Variants in THSD4 observed in about 807,000 individuals in gnomAD.
THSD4 encodes thrombospondin type-1 domain-containing protein 4.
A neutral mutation model predicts 119.0 loss-of-function variants in THSD4; 69 were observed. The ratio of observed to expected loss-of-function variants is 0.58; its 90% CI spans 0.48 to 0.71. THSD4 has a LOEUF of 0.71. Among genes scored for constraint, THSD4 ranks in the 30% least tolerant of loss-of-function variants. THSD4 has a pLI of 0.00. For missense variants in THSD4, 1,393 were observed against 1,391.1 expected (o/e 1.00, Z -0.02); for synonymous variants, 524 against 540.4 (o/e 0.97, Z 0.42).
rs1383696152 is a variant in THSD4, at chr15:71,376,992, G to C, written c.1016-34695G>C. Among the ~76,000 whole-genome samples the C allele has an allele frequency of 2.0e-5, 3 of 152,248 alleles. No individual in the cohort carries two copies. The East Asian group carries it at 5.8e-4, about 29-fold the overall frequency. Reference sequence around the variant, plus strand: ...ATACTCACCTAGCAGGTGTGTGCAGGGTGATGTGCAGGGAGGGACCAAAAG... The same window carrying C: ...ATACTCACCTAGCAGGTGTGTGCAGCGTGATGTGCAGGGAGGGACCAAAAG... On this transcript the variant is annotated intron_variant, in intron 6 of 17. Transcript: ENST00000261862.
intron 7 of THSD4, among the ~76,000 whole-genome samples, chr15:71,614,857 G>A (rs548887496): frequency 6.6e-6 from 1 of 152,328 alleles, no homozygotes; most frequent in African/African-American, 2.4e-5. Context: ...ACCTGAAAGG[G>A]AAAGAAGCAT....
intron 6 of THSD4, among the ~76,000 whole-genome samples, chr15:71,386,092 G>A (rs1030796311): frequency 1.3e-5 from 2 of 152,198 alleles, no homozygotes; most frequent in Non-Finnish European, 2.9e-5. Flanking sequence ...ACTGTTTACT[G>A]AGTAGGTGCT....
chr15:71,350,270 A>G (rs1806503581), intron 6 of THSD4, among the ~76,000 whole-genome samples: 1 of 152,192 alleles, frequency 6.6e-6, no homozygotes, highest in African/African-American at 2.4e-5. Flanking sequence ...AAATATCTCA[A>G]AGTTATGCTT....
At chr15:71,467,397 T>G (rs2047515527) in intron 7 of THSD4, among the ~76,000 whole-genome samples, 1 of 152,218 alleles carries the variant, frequency 6.6e-6, no homozygotes, top group South Asian at 2.1e-4. Context: ...ATTAAATCTG[T>G]GTATTTTTAT....
intron 8 of THSD4, among the ~76,000 whole-genome samples, chr15:71,717,758 C>T (rs1192161406): frequency 2.0e-5 from 3 of 152,268 alleles, no homozygotes; most frequent in African/African-American, 7.2e-5. Context: ...ACAAGACCCC[C>T]CACCACCATG....
At chr15:71,217,731 A>G (rs1193504471) in intron 4 of THSD4, among the ~76,000 whole-genome samples, 1 of 152,032 alleles carries the variant, frequency 6.6e-6, no homozygotes, top group Non-Finnish European at 1.5e-5. Flanking sequence ...TAATTTTAGA[A>G]TTGCAAATTT....
intron 4 of THSD4, among the ~76,000 whole-genome samples, chr15:71,230,391 C>A (rs1480874827): frequency 3.3e-5 from 5 of 152,246 alleles, no homozygotes; most frequent in Non-Finnish European, 2.9e-5. Context: ...CTACCTGCCT[C>A]TGCAACAGTT....
At chr15:71,643,408 C>T (rs916401635) in intron 7 of THSD4, among the ~76,000 whole-genome samples, 1 of 152,000 alleles carries the variant, frequency 6.6e-6, no homozygotes, top group Non-Finnish European at 1.5e-5. Flanking sequence ...TTCATCACCC[C>T]AGTACGAAGC....
intron 7 of THSD4, among the ~76,000 whole-genome samples, chr15:71,555,029 G>T (rs2048996982): frequency 6.6e-6 from 1 of 152,062 alleles, no homozygotes; most frequent in Admixed American, 6.5e-5. Context: ...GAATTTTATG[G>T]TTTTCACTTC....
At chr15:71,187,614 C>T (rs569237861) in intron 3 of THSD4, 1 of 152,640 alleles carries the variant, frequency 6.6e-6, no homozygotes, top group Non-Finnish European at 1.5e-5. Context: ...GAGACAGATG[C>T]GTAGCTGACC....
At position 71,237,190 on chromosome 15, in the gene THSD4, G is replaced by A. The variant is rs1452718742; in HGVS notation, c.465-5459G>A. ...GAAGGGGTGGGTGGAAGAGCCAGCC[G>A]TCTTCAGGGGATGGTGGTACTTGGG... On this transcript the variant is annotated intron_variant, in intron 4 of 17. Coordinates refer to ENST00000261862, the MANE Select transcript of THSD4 (RefSeq NM_024817.3). 4.6e-5 allele frequency among the ~76,000 whole-genome samples: 7 copies of A among 152,256 alleles called. No homozygotes were observed. The South Asian group carries it at 8.3e-4, about 18-fold the overall frequency.
At chr15:71,390,331 A>G (rs1327927512) in intron 6 of THSD4, among the ~76,000 whole-genome samples, 5 of 152,216 alleles carry the variant, frequency 3.3e-5, no homozygotes, top group Non-Finnish European at 7.3e-5. Context: ...GAACGTCCAT[A>G]TGACTTTAGC....
At chr15:71,754,584 G>A (rs552770984) in intron 14 of THSD4, among the ~76,000 whole-genome samples, 1 of 152,142 alleles carries the variant, frequency 6.6e-6, no homozygotes, top group Non-Finnish European at 1.5e-5. Context: ...TAGCAATCTA[G>A]CAAAATAGCA....
At chr15:71,354,483 T>A (rs2045783149) in intron 6 of THSD4, among the ~76,000 whole-genome samples, 1 of 152,176 alleles carries the variant, frequency 6.6e-6, no homozygotes, top group Admixed American at 6.5e-5. Flanking sequence ...AGGTGGAGAC[T>A]TTTCCAAATT....
At chr15:71,629,609 A>G (rs932007682) in intron 7 of THSD4, among the ~76,000 whole-genome samples, 1 of 152,110 alleles carries the variant, frequency 6.6e-6, no homozygotes, top group African/African-American at 2.4e-5. Flanking sequence ...TGTGACACAT[A>G]AAGAGATGCT....
chr15:71,732,765 C>G (rs2053006156), intron 10 of THSD4: 1 of 152,146 alleles, frequency 6.6e-6, no homozygotes, highest in African/African-American at 2.4e-5. Context: ...CCTGTGTGAC[C>G]ATACTTTGTG....
chr15:71,735,466 C>G (rs1453561561), intron 10 of THSD4, among the ~76,000 whole-genome samples: 1 of 151,140 alleles, frequency 6.6e-6, no homozygotes, highest in Non-Finnish European at 1.5e-5. Flanking sequence ...CTCTCTCTCT[C>G]TCTCTTTCTC....
chr15:71,445,345 A>G (rs1350629348), intron 7 of THSD4, among the ~76,000 whole-genome samples: 2 of 152,170 alleles, frequency 1.3e-5, no homozygotes, highest in African/African-American at 4.8e-5. Context: ...TGTCTTACTC[A>G]TCTTTGATCC....
intron 7 of THSD4, among the ~76,000 whole-genome samples, chr15:71,607,495 G>T (rs1200157936): frequency 1.3e-5 from 2 of 152,238 alleles, no homozygotes; most frequent in Non-Finnish European, 2.9e-5. Flanking sequence ...CACACTTGAA[G>T]TAGTTCCCTG....
Sources: allele counts gnomAD v4.1 joint callset (sites outside exome capture counted in the v4.1 genomes callset), GRCh38; gene constraint gnomAD v4.1.1; transcripts MANE v1.5; gene names NCBI Gene and HGNC (gene_info 2026-07-23, HGNC 2026-07-21).